Variants in ADGRG6 observed in about 807,000 individuals in gnomAD.
The protein encoded by ADGRG6 is adhesion G protein-coupled receptor G6.
A neutral mutation model predicts 142.4 loss-of-function variants in ADGRG6; 84 were observed. The ratio of observed to expected loss-of-function variants is 0.59; its 90% CI spans 0.49 to 0.71. The LOEUF is 0.71. ADGRG6 is among the 30% of genes least tolerant of loss of function. The probability of loss-of-function intolerance (pLI) is 0.00; values close to 1 mark genes in which losing one functional copy is unlikely to be tolerated. For synonymous variants in ADGRG6, 521 were observed against 520.5 expected, an observed-to-expected ratio of 1.00 and a Z score of -0.01; for missense variants, 1,367 against 1,466.6, an observed-to-expected ratio of 0.93 and a Z score of 1.11.
chr6:142,345,671 T>A (rs1779865241), intron 2 of ADGRG6, among the ~76,000 whole-genome samples: 1 of 152,130 alleles, frequency 6.6e-6, no homozygotes, highest in South Asian at 2.1e-4. Flanking sequence ...AATTTTGTGA[T>A]CAAATAATTC....
intron 2 of ADGRG6, among the ~76,000 whole-genome samples, chr6:142,359,203 T>TAAA (rs397885145): frequency 7.0e-5 from 4 of 57,200 alleles, no homozygotes; most frequent in African/African-American, 2.1e-4. Flanking sequence ...CAAGACCCTA[T>TAAA]AAAAAAAAAA....
chr6:142,446,230 A>G lies in ADGRG6; in HGVS notation c.*2715A>G, dbSNP rs564473146. 7 of 152,774 alleles carry G rather than the reference A, an allele frequency of 4.6e-5. No homozygotes were observed. The highest frequency in any genetic ancestry group is 1.7e-4 in the African/African-American group (7 of 41,588). The allele number at this position is 152,774 out of a possible 1,614,324, so 9.5% of individuals were successfully genotyped here. A position where few individuals can be genotyped will look rare whatever the true frequency, so the allele number is the denominator to read the frequency against. ...TACTTAAATGGAAAATGTTTTTCAA[A>G]TAAATACTTATGTTGTTCATGTTCC... On this transcript the variant is annotated 3_prime_UTR_variant, in exon 25 of 25. Coordinates refer to ENST00000367609, the MANE Select transcript of ADGRG6 (RefSeq NM_198569.3).
intron 1 of ADGRG6, among the ~76,000 whole-genome samples, chr6:142,304,771 T>C (rs1777400452): frequency 6.6e-6 from 1 of 152,234 alleles, no homozygotes; most frequent in African/African-American, 2.4e-5. Context: ...GTTTGTGGTA[T>C]GCATGGGCAA....
At position 142,384,358 on chromosome 6, in the gene ADGRG6, G is replaced by T. The variant is rs189098133; in HGVS notation, c.1222+515G>T. ...TGTTTTTATTTGCCGAAGAATAATA[G>T]AATATGATTATATATCAACTAAAAC... On this transcript the variant is annotated intron_variant, in intron 6 of 24. Coordinates refer to ENST00000367609, the MANE Select transcript of ADGRG6 (RefSeq NM_198569.3). Among the ~76,000 whole-genome samples, 290 of 152,102 alleles carry T rather than the reference G, an allele frequency of 1.9e-3. 1 individual carries two copies. Among genetic ancestry groups the T allele is most frequent in the African/African-American group, 5.2e-3 (217 of 41,538 alleles).
rs34175866 is a variant in ADGRG6, at chr6:142,437,893, TA to T, written c.3422-303del. The stretch of plus-strand genomic sequence containing the variant: ...TAAGCAAAGAGATTTTTCTCAGTAT[TA>T]AAAAAAAAAAAAAAACTGAAAAAAC... On this transcript the variant is annotated intron_variant, in intron 23 of 24. Coordinates refer to ENST00000367609, the MANE Select transcript of ADGRG6 (RefSeq NM_198569.3). Among the ~76,000 whole-genome samples, 392 of 140,486 alleles carry T rather than the reference TA, an allele frequency of 2.8e-3. 3 individuals are homozygous for T. The East Asian group carries it at 0.03, about 11-fold the overall frequency. The allele number at this position is 140,486 out of a possible 152,430, so 92.2% of individuals were successfully genotyped here.
At position 142,383,691 on chromosome 6, in the gene ADGRG6, A is replaced by G. The variant is rs550889908; in HGVS notation, c.1139-69A>G. The G allele has an allele frequency of 4.9e-5, 37 of 754,546 alleles. No homozygotes were observed. The African/African-American group carries it at 6.4e-4, about 13-fold the overall frequency. The allele number at this position is 754,546 out of a possible 1,614,324, so 46.7% of individuals were successfully genotyped here. ...CTATATATTTTAATGCATTAATTATAGATTGCTTATCCAAATTAACTGTCA... is the reference window on the plus strand; with the variant it reads ...CTATATATTTTAATGCATTAATTATGGATTGCTTATCCAAATTAACTGTCA... On this transcript the variant is annotated intron_variant, in intron 5 of 24. Transcript: ENST00000367609.
chr6:142,379,916 G>C (rs1375403530), intron 4 of ADGRG6, among the ~76,000 whole-genome samples: 1 of 152,156 alleles, frequency 6.6e-6, no homozygotes, highest in Admixed American at 6.5e-5. Flanking sequence ...ATGTGCCCAA[G>C]ATGGTCAGGG....
Position 142,356,952 on chromosome 6 carries a change from G to A in ADGRG6, c.104-10617G>A, listed in dbSNP as rs543585184. Among the ~76,000 whole-genome samples the A allele has an allele frequency of 1.2e-3, 187 of 152,210 alleles. 1 individual carries two copies. The Middle Eastern group carries it at 0.017, about 14-fold the overall frequency. On this transcript the variant is annotated intron_variant, in intron 2 of 24. Coordinates refer to ENST00000367609, the MANE Select transcript of ADGRG6 (RefSeq NM_198569.3). ...TTTTTATTTCCCTCCCTCTCCAGAT[G>A]TTATTGTGTTTCACAACAATATGTT...
At chr6:142,396,749 C>T (rs546298426) in intron 9 of ADGRG6, among the ~76,000 whole-genome samples, 1 of 152,218 alleles carries the variant, frequency 6.6e-6, no homozygotes, top group African/African-American at 2.4e-5. Context: ...AGAGCTTTCA[C>T]ATATAAGCAA....
chr6:142,318,607 A>G (rs183459017), intron 2 of ADGRG6, among the ~76,000 whole-genome samples: 1 of 151,072 alleles, frequency 6.6e-6, no homozygotes, highest in East Asian at 1.9e-4. Context: ...ATAACAGAAG[A>G]GATCTCAGAA....
intron 18 of ADGRG6, 67 bp from the exon 19 acceptor site, chr6:142,414,902 T>C (rs1324193898): frequency 1.4e-6 from 2 of 1,421,186 alleles, no homozygotes; most frequent in African/African-American, 2.9e-5. Flanking sequence ...GTGAACTTTC[T>C]AGTGAAACAG....
At chr6:142,405,560 C>G (rs1230852827) in intron 14 of ADGRG6, 128 bp from the exon 15 acceptor site, 23 of 733,400 alleles carry the variant, frequency 3.1e-5, no homozygotes, top group South Asian at 2.3e-4. Context: ...ACTGTAGATA[C>G]AAAGGGAAGT....
rs1441299036 is a variant in ADGRG6 at position 142,309,154 on chromosome 6, T to C, written c.3-390T>C. Among the ~76,000 whole-genome samples, 4 of 151,870 alleles carry C rather than the reference T, an allele frequency of 2.6e-5. No homozygotes were observed. In the East Asian group the frequency reaches 7.7e-4, roughly 29 times the overall value. Reference sequence around the variant, plus strand: ...CTTACAATCTGAATTTCTGGGAGATTATAAGGAAGGTTGATAGAAACATCC... The same window carrying C: ...CTTACAATCTGAATTTCTGGGAGATCATAAGGAAGGTTGATAGAAACATCC... On this transcript the variant is annotated intron_variant, in intron 1 of 24. Coordinates refer to ENST00000367609, the MANE Select transcript of ADGRG6 (RefSeq NM_198569.3).
intron 18 of ADGRG6, among the ~76,000 whole-genome samples, chr6:142,412,321 G>A (rs534892652): frequency 2.0e-5 from 3 of 152,280 alleles, no homozygotes; most frequent in African/African-American, 7.2e-5. Context: ...AGATAGGAGT[G>A]ATGTGAGCTG....
intron 2 of ADGRG6, among the ~76,000 whole-genome samples, chr6:142,360,534 C>T (rs1221574493): frequency 6.6e-6 from 1 of 152,154 alleles, no homozygotes; most frequent in Non-Finnish European, 1.5e-5. Flanking sequence ...GGACAGGCCA[C>T]AAGGAACAGC....
chr6:142,430,412 C>T (rs1013768974), intron 22 of ADGRG6, among the ~76,000 whole-genome samples: 2 of 152,124 alleles, frequency 1.3e-5, no homozygotes, highest in Admixed American at 1.3e-4. Flanking sequence ...TGCATTGCCT[C>T]GAATTTTACT....
chr6:142,415,705 G>T, intron 19 of ADGRG6, 91 bp from the exon 20 acceptor site: 3 of 816,118 alleles, frequency 3.7e-6, no homozygotes, highest in South Asian at 3.3e-5. Flanking sequence ...TCATTGCAGG[G>T]TTGTATAAGA....
chr6:142,335,832 A>G (rs1262842545), intron 2 of ADGRG6, among the ~76,000 whole-genome samples: 1 of 152,168 alleles, frequency 6.6e-6, no homozygotes, highest in Non-Finnish European at 1.5e-5. Context: ...AGAAAAACCA[A>G]GAGAATATTT....
chr6:142,308,889 G>A (rs990594768), intron 1 of ADGRG6, among the ~76,000 whole-genome samples: 1 of 151,744 alleles, frequency 6.6e-6, no homozygotes, highest in Non-Finnish European at 1.5e-5. Flanking sequence ...TCATGCAGAA[G>A]GATAGTTGAG....
Sources: gnomAD v4.1 joint callset for allele counts (sites outside exome capture counted in the v4.1 genomes callset) on GRCh38, gnomAD v4.1.1 for gene constraint, MANE v1.5 for transcripts, NCBI Gene and HGNC (gene_info 2026-07-23, HGNC 2026-07-21) for gene names.